Variants in APBB2 observed in about 807,000 individuals in gnomAD.
APBB2 encodes amyloid beta precursor protein binding family B member 2, also known as Fe65-like 1.
A neutral mutation model predicts 82.5 loss-of-function variants in APBB2; 38 were observed. That is an observed-to-expected ratio of 0.46 (90% CI 0.36 to 0.60). The LOEUF (loss-of-function observed/expected upper bound fraction) is 0.60. Ranked by LOEUF, APBB2 falls within the 20% of genes least tolerant of loss-of-function variation. The probability of loss-of-function intolerance (pLI) is 0.00; values close to 1 mark genes in which losing one functional copy is unlikely to be tolerated. For synonymous variants in APBB2, 341 were observed against 368.2 expected, an observed-to-expected ratio of 0.93 and a Z score of 0.85; for missense variants, 772 against 972.3, an observed-to-expected ratio of 0.79 and a Z score of 2.74.
rs1040252019 is a variant in APBB2, at chr4:40,980,116, C to T, written c.835+33467G>A. Among the ~76,000 whole-genome samples, 13 of 152,196 alleles carry T rather than the reference C, an allele frequency of 8.5e-5. No individual in the cohort carries two copies. In the East Asian group the frequency reaches 1.7e-3, roughly 20 times the overall value. On this transcript the variant is annotated intron_variant, in intron 6 of 17. Transcript: ENST00000508593. ...CGGCTCACTGCAACCTCCGCCTCCT[C>T]GGTTCAAGCAATTCTCCTGCCTCAG... is the stretch of plus-strand genomic sequence containing the variant.
At chr4:40,828,033 G>A (rs1750549855) in intron 13 of APBB2, among the ~76,000 whole-genome samples, 1 of 152,088 alleles carries the variant, frequency 6.6e-6, no homozygotes, top group Non-Finnish European at 1.5e-5. Flanking sequence ...TCTCTTGCCT[G>A]CTGCCATGTA....
chr4:41,082,713 C>A (rs1330926924), intron 3 of APBB2, among the ~76,000 whole-genome samples: 2 of 151,202 alleles, frequency 1.3e-5, no homozygotes, highest in Non-Finnish European at 2.9e-5. Context: ...AACAAATGGC[C>A]AAAATTAATG....
Position 40,814,156 on chromosome 4 carries a change from G to A in APBB2, c.*1936C>T, listed in dbSNP as rs996439648. 2.6e-5 allele frequency: 4 copies of A among 152,272 alleles called. No homozygotes were observed. The highest frequency in any genetic ancestry group is 2.1e-4 in the South Asian group (1 of 4,822). 9.4% of individuals were successfully genotyped at this position (152,272 alleles called of 1,614,324 possible). A position where few individuals can be genotyped will look rare whatever the true frequency, so the allele number is the denominator to read the frequency against. ...CCACAAGTAGCATCTGGAAAATCTC[G>A]TAGATGGAACAGGCTGTGAATGTAG... is the stretch of plus-strand genomic sequence containing the variant. On this transcript the variant is annotated 3_prime_UTR_variant, in exon 18 of 18. Transcript: ENST00000508593.
chr4:41,185,046 A>G (rs1282493733), intron 1 of APBB2, among the ~76,000 whole-genome samples: 1 of 152,178 alleles, frequency 6.6e-6, no homozygotes, highest in Non-Finnish European at 1.5e-5. Context: ...AATCTTACTG[A>G]GGGCAGGAAC....
At chr4:40,825,731 G>A in intron 15 of APBB2, 156 bp downstream of exon 15, 1 of 638,094 alleles carries the variant, frequency 1.6e-6, no homozygotes, top group Admixed American at 2.4e-5. Flanking sequence ...CTTTTGATCA[G>A]GACCGTTTAT....
intron 2 of APBB2, among the ~76,000 whole-genome samples, chr4:41,140,665 G>A (rs1217586423): frequency 1.3e-5 from 2 of 152,324 alleles, no homozygotes; most frequent in East Asian, 3.9e-4. Flanking sequence ...GGGCTAATGA[G>A]CACAGCTTCA....
intron 1 of APBB2, among the ~76,000 whole-genome samples, chr4:41,146,631 T>C (rs1285677215): frequency 3.2e-4 from 49 of 152,214 alleles, no homozygotes; most frequent in Non-Finnish European, 5.9e-5. Flanking sequence ...CTTTGAAACA[T>C]TGTTTACTTC....
At chr4:41,181,642 C>G (rs1033153111) in intron 1 of APBB2, among the ~76,000 whole-genome samples, 2 of 152,134 alleles carry the variant, frequency 1.3e-5, no homozygotes, top group African/African-American at 4.8e-5. Context: ...GGAGCTAGAA[C>G]TTGCTCGAAA....
At chr4:41,031,825 T>C (rs1328864131) in intron 5 of APBB2, among the ~76,000 whole-genome samples, 1 of 152,240 alleles carries the variant, frequency 6.6e-6, no homozygotes, top group African/African-American at 2.4e-5. Context: ...ACATTTAAAA[T>C]CTATTTTCTA....
intron 2 of APBB2, among the ~76,000 whole-genome samples, chr4:41,116,583 A>T (rs1283703984): frequency 6.6e-6 from 1 of 152,156 alleles, no homozygotes; most frequent in African/African-American, 2.4e-5. Context: ...GTGACCCAAG[A>T]TCGCGTCACT....
chr4:40,840,989 C>T (rs898699987), intron 12 of APBB2, among the ~76,000 whole-genome samples: 3 of 152,164 alleles, frequency 2.0e-5, no homozygotes, highest in Non-Finnish European at 2.9e-5. Context: ...CAGAACTTTC[C>T]ACCACCTGCC....
rs370993037 is a variant in APBB2 at position 40,851,457 on chromosome 4, G to A, written c.1530-20880C>T. On this transcript the variant is annotated intron_variant, in intron 12 of 17. Transcript: ENST00000508593. ...AAAAACAAAACACACCAGAATCCTC[G>A]AAAACAGCATTTTCAGGTAACCTGG... Among the ~76,000 whole-genome samples the A allele has an allele frequency of 5.3e-5, 8 of 152,084 alleles. No homozygotes were observed. In the South Asian group the frequency reaches 1.4e-3, roughly 28 times the overall value.
chr4:41,025,638 G>C (rs1713716373), intron 5 of APBB2, among the ~76,000 whole-genome samples: 1 of 152,026 alleles, frequency 6.6e-6, no homozygotes, highest in South Asian at 2.1e-4. Context: ...GAAAATGTGG[G>C]CCAGTCATGG....
At chr4:41,085,070 G>A (rs1272707720) in intron 3 of APBB2, among the ~76,000 whole-genome samples, 1 of 152,070 alleles carries the variant, frequency 6.6e-6, no homozygotes, top group Non-Finnish European at 1.5e-5. Context: ...CTAACACAGT[G>A]AAACTCCATC....
At chr4:40,825,288 C>T (rs1222116268) in intron 15 of APBB2, among the ~76,000 whole-genome samples, 1 of 152,222 alleles carries the variant, frequency 6.6e-6, no homozygotes, top group Non-Finnish European at 1.5e-5. Context: ...TGAAGAATGC[C>T]AGACTGTTTT....
chr4:40,921,803 G>A (rs560932403), intron 10 of APBB2, among the ~76,000 whole-genome samples: 2 of 152,336 alleles, frequency 1.3e-5, no homozygotes, highest in East Asian at 3.9e-4. Context: ...GGTTCCATGT[G>A]TCATTTACAC....
At chr4:41,034,017 A>G (rs1209290559) in intron 4 of APBB2, among the ~76,000 whole-genome samples, 1 of 152,260 alleles carries the variant, frequency 6.6e-6, no homozygotes, top group East Asian at 1.9e-4. Flanking sequence ...GGACACTGGA[A>G]ACAGGAAGTT....
chr4:41,154,072 A>G (rs1762908714), intron 1 of APBB2, among the ~76,000 whole-genome samples: 1 of 152,210 alleles, frequency 6.6e-6, no homozygotes, highest in Admixed American at 6.5e-5. Flanking sequence ...CACCCTTGAT[A>G]CATTTATCAT....
At chr4:40,828,179 A>G (rs1438621446) in intron 13 of APBB2, among the ~76,000 whole-genome samples, 2 of 152,140 alleles carry the variant, frequency 1.3e-5, no homozygotes, top group African/African-American at 2.4e-5. Context: ...AAGCCGACTA[A>G]TACACCTGCC....
Sources: allele counts gnomAD v4.1 joint callset (sites outside exome capture counted in the v4.1 genomes callset), GRCh38; gene constraint gnomAD v4.1.1; transcripts MANE v1.5; gene names NCBI Gene and HGNC (gene_info 2026-07-23, HGNC 2026-07-21).